DPP10: variants seen among roughly 807,000 people sequenced by gnomAD.
The protein encoded by DPP10 is dipeptidyl peptidase like 10.
Under a neutral mutation model 120.9 loss-of-function variants are expected in DPP10, and 33 were observed. The ratio of observed to expected loss-of-function variants is 0.27; its 90% CI spans 0.21 to 0.37. The LOEUF (loss-of-function observed/expected upper bound fraction) is 0.37, where lower values mean the gene tolerates loss of function less well. Among genes scored for constraint, DPP10 ranks in the 10% least tolerant of loss-of-function variants. DPP10 has a pLI of 1.00. For synonymous variants in DPP10, 337 were observed against 326.1 expected (o/e 1.03, Z -0.36); for missense variants, 816 against 942.8 (o/e 0.87, Z 1.76).
chr2:114,539,085 T>G (rs1174728208), intron 1 of DPP10, among the ~76,000 whole-genome samples: 1 of 151,832 alleles, frequency 6.6e-6, no homozygotes, highest in Non-Finnish European at 1.5e-5. Context: ...AATTGCCACA[T>G]AGCAGACAAA....
intron 1 of DPP10, among the ~76,000 whole-genome samples, chr2:114,795,272 G>A (rs1243825753): frequency 6.6e-6 from 1 of 151,780 alleles, no homozygotes; most frequent in African/African-American, 2.4e-5. Flanking sequence ...AGGCTGAGGT[G>A]GAGAGTTTGA....
At chr2:114,676,482 G>A (rs1190195923) in intron 1 of DPP10, among the ~76,000 whole-genome samples, 2 of 152,054 alleles carry the variant, frequency 1.3e-5, no homozygotes, top group Admixed American at 6.6e-5. Context: ...TGGCACATCG[G>A]TGTGTGATAC....
rs116153694 is a variant in DPP10, at chr2:115,642,442, C to A, written c.442-47245C>A. ...CTTAAGCAAGAAGGAATGCTGCCAG[C>A]CAACTACCTTTGTACTTGAACTGCA... is the stretch of plus-strand genomic sequence containing the variant. On this transcript the variant is annotated intron_variant, in intron 5 of 25. Transcript: ENST00000410059. 9.3e-3 allele frequency among the ~76,000 whole-genome samples: 1,420 copies of A among 152,216 alleles called. 20 individuals carry two copies. The highest frequency in any genetic ancestry group is 0.031 in the African/African-American group (1,294 of 41,526).
intron 1 of DPP10, among the ~76,000 whole-genome samples, chr2:115,107,422 CTTTTTTT>C (rs59046305): frequency 1.7e-5 from 1 of 59,868 alleles, no homozygotes; most frequent in East Asian, 6.2e-4. Flanking sequence ...TTGGTTATAG[CTTTTTTT>C]TTTTTTTTTT....
At chr2:115,685,256 T>C (rs529770272) in intron 5 of DPP10, among the ~76,000 whole-genome samples, 11 of 152,088 alleles carry the variant, frequency 7.2e-5, no homozygotes, top group Admixed American at 1.3e-4. Context: ...TGCAGGACTA[T>C]CTTAAGTTTG....
intron 1 of DPP10, among the ~76,000 whole-genome samples, chr2:114,641,518 G>A (rs556160735): frequency 9.9e-5 from 15 of 152,050 alleles, no homozygotes; most frequent in Admixed American, 3.3e-4. Context: ...CTGCCTTTAC[G>A]TATGATAGAA....
At position 115,664,352 on chromosome 2, in the gene DPP10, A is replaced by T. The variant is rs562119134; in HGVS notation, c.442-25335A>T. On this transcript the variant is annotated intron_variant, in intron 5 of 25. Transcript: ENST00000410059. ...TACAAATTTTTCAAATTTTTGGTTC[A>T]TCAGCAGGGAAAATTTTTATCCTCT... 2.6e-5 allele frequency among the ~76,000 whole-genome samples: 4 copies of T among 152,244 alleles called. No homozygotes were observed. In the South Asian group the frequency reaches 8.3e-4, roughly 32 times the overall value.
chr2:115,700,359 A>G (rs938944009), intron 7 of DPP10, among the ~76,000 whole-genome samples: 1 of 152,150 alleles, frequency 6.6e-6, no homozygotes, highest in African/African-American at 2.4e-5. Context: ...CATACAGAAT[A>G]AGCATTTTTA....
At chr2:115,473,396 A>G (rs1386941786) in intron 3 of DPP10, among the ~76,000 whole-genome samples, 1 of 152,184 alleles carries the variant, frequency 6.6e-6, no homozygotes, top group Non-Finnish European at 1.5e-5. Flanking sequence ...TGTTTTCCCT[A>G]AATGAAAGAA....
At chr2:115,372,094 T>G (rs1369880557) in intron 3 of DPP10, among the ~76,000 whole-genome samples, 1 of 152,126 alleles carries the variant, frequency 6.6e-6, no homozygotes, top group Non-Finnish European at 1.5e-5. Context: ...TGTATAAAAT[T>G]CCTTGGAGTG....
At chr2:115,830,276 T>G (rs960855250) in intron 21 of DPP10, among the ~76,000 whole-genome samples, 3 of 150,904 alleles carry the variant, frequency 2.0e-5, no homozygotes, top group African/African-American at 7.3e-5. Context: ...GAGAATCGCT[T>G]GAACCCAGTA....
At chr2:115,561,803 T>C (rs949362859) in intron 5 of DPP10, among the ~76,000 whole-genome samples, 1 of 152,214 alleles carries the variant, frequency 6.6e-6, no homozygotes, top group African/African-American at 2.4e-5. Context: ...TAGATTTACT[T>C]ATATTTGGGG....
chr2:115,320,398 CT>C (rs2062001192), intron 2 of DPP10, among the ~76,000 whole-genome samples: 6 of 151,568 alleles, frequency 4.0e-5, no homozygotes, highest in Admixed American at 3.9e-4. Context: ...TCTGTTTGTC[CT>C]TTTACGTGTT....
chr2:115,401,551 C>G (rs748719612), intron 3 of DPP10, among the ~76,000 whole-genome samples: 1 of 152,064 alleles, frequency 6.6e-6, no homozygotes, highest in South Asian at 2.1e-4. Flanking sequence ...CTATCACACT[C>G]CAGTCCGGGC....
At chr2:114,770,244 C>G (rs140899388) in intron 1 of DPP10, among the ~76,000 whole-genome samples, 198 of 152,232 alleles carry the variant, frequency 1.3e-3, no homozygotes, top group African/African-American at 4.6e-3. Context: ...GGTTCTAATT[C>G]CATGGTTCAG....
chr2:114,563,583 A>G lies in DPP10; in HGVS notation c.60+120745A>G, dbSNP rs1688944223. Among the ~76,000 whole-genome samples, 2 of 152,168 alleles carry G rather than the reference A, an allele frequency of 1.3e-5. 1 individual carries two copies. The highest frequency in any genetic ancestry group is 4.1e-4 in the South Asian group (2 of 4,836). The stretch of plus-strand genomic sequence containing the variant: ...TTAGAGGAATAAGCACATGTAAACA[A>G]TATTCTATTGACATCTGCTATTTAC... On this transcript the variant is annotated intron_variant, in intron 1 of 25. Coordinates refer to ENST00000410059, the MANE Select transcript of DPP10 (RefSeq NM_020868.6).
At chr2:115,540,888 G>A (rs2079132829) in intron 5 of DPP10, among the ~76,000 whole-genome samples, 1 of 151,768 alleles carries the variant, frequency 6.6e-6, no homozygotes, top group Non-Finnish European at 1.5e-5. Context: ...CTGAGGGAGA[G>A]CATTTTATTA....
intron 2 of DPP10, among the ~76,000 whole-genome samples, chr2:115,310,650 C>A (rs931075155): frequency 2.0e-5 from 3 of 152,150 alleles, no homozygotes; most frequent in African/African-American, 7.2e-5. Context: ...TTAACTGCCT[C>A]ATTTGTACAT....
chr2:114,958,044 T>G (rs574446592), intron 1 of DPP10, among the ~76,000 whole-genome samples: 2 of 152,182 alleles, frequency 1.3e-5, no homozygotes, highest in East Asian at 1.9e-4. Flanking sequence ...CAATGAACAG[T>G]TTGCAAGCTG....
Sources: gnomAD v4.1 joint callset for allele counts (sites outside exome capture counted in the v4.1 genomes callset) on GRCh38, gnomAD v4.1.1 for gene constraint, MANE v1.5 for transcripts, NCBI Gene and HGNC (gene_info 2026-07-23, HGNC 2026-07-21) for gene names.